Variants in ATP13A1 observed in about 807,000 individuals in gnomAD.
ATP13A1 encodes the protein endoplasmic reticulum transmembrane helix translocase.
In ATP13A1, 55 loss-of-function variants were observed where a neutral mutation model predicts 134.8. That is an observed-to-expected ratio of 0.41 (90% CI 0.33 to 0.51). ATP13A1 has a LOEUF of 0.51. Ranked by LOEUF, ATP13A1 falls within the 20% of genes least tolerant of loss-of-function variation. The pLI, the probability that ATP13A1 is intolerant of heterozygous loss-of-function variation, is 0.29. For synonymous variants in ATP13A1, 775 were observed against 725.1 expected (o/e 1.07, Z -1.10); for missense variants, 1,389 against 1,652.8 (o/e 0.84, Z 2.77).
chr19:19,655,643 C>T lies in ATP13A1; in HGVS notation c.1281G>A (p.Leu427=), dbSNP rs1222713077. The T allele has an allele frequency of 1.2e-6, 2 of 1,613,086 alleles. No homozygotes were observed. The highest frequency in any genetic ancestry group is 2.2e-5 in the South Asian group (2 of 90,846). Residue 427 remains leucine, a synonymous_variant, in exon 10 of 26, where the codon CTG becomes CTA. Coordinates refer to ENST00000357324, the MANE Select transcript of ATP13A1 (RefSeq NM_020410.3). The surrounding 1 kb of genome is among the most constrained non-coding windows in gnomAD (Gnocchi z 5.7). ...TGFNTSQGKL[L]RTILFGVKRV... ...TCTTGACCCCGAAGAGGATGGTGCGCAGCAGCTTGCCCTGGAGGAATGGAG... is the reference window on the plus strand; with the variant it reads ...TCTTGACCCCGAAGAGGATGGTGCGTAGCAGCTTGCCCTGGAGGAATGGAG...
At position 19,647,137 on chromosome 19, in the gene ATP13A1, G is replaced by T; in HGVS notation, c.3097C>A (p.Arg1033Ser). 2 of 1,612,068 alleles carry T rather than the reference G, an allele frequency of 1.2e-6. No homozygotes were observed. Among genetic ancestry groups the T allele is most frequent in the Non-Finnish European group, 1.7e-6 (2 of 1,178,898 alleles). Reference sequence around the variant, plus strand: ...GCACCTCTGGGGCCCACCTTGGAACGGGAGATGAAGAGGAAGCAGCCGGCC... The same window carrying T: ...GCACCTCTGGGGCCCACCTTGGAACTGGAGATGAAGAGGAAGCAGCCGGCC... ...LLAGCFLFIS[R>S]SKPLKTLSRE... Residue 1033 changes from arginine to serine, a missense_variant, in exon 22 of 26, where the codon CGT (arginine) becomes AGT (serine). Transcript: ENST00000357324. The surrounding 1 kb of genome is among the most constrained non-coding windows in gnomAD (Gnocchi z 4.8).
rs767748918 is a variant in ATP13A1, at chr19:19,652,628, G to A, written c.2193C>T (p.Ala731=). The part of the protein sequence containing the change: ...VSCPLKADSK[A]VIREIQNASH... The stretch of plus-strand genomic sequence containing the variant: ...ACGCATTCTGGATCTCCCGGATCAC[G>A]GCCTTGGAGTCAGCCTTGAGCGGGC... The change falls in exon 16 of 26, where the codon GCC becomes GCT. Residue 731 remains alanine, a synonymous_variant. Transcript: ENST00000357324. 2.0e-5 allele frequency: 32 copies of A among 1,608,520 alleles called. 1 individual carries two copies. In the East Asian group the frequency reaches 4.5e-4, roughly 22 times the overall value.
In ATP13A1 at chr19:19,653,961, C is replaced by G; in HGVS notation, c.1989+8G>C. 6.3e-7 allele frequency: 1 copy of G among 1,589,470 alleles called. No homozygotes were observed. Among genetic ancestry groups the G allele is most frequent in the Non-Finnish European group, 8.6e-7 (1 of 1,168,598 alleles). On this transcript the variant is annotated splice_region_variant and intron_variant, in intron 14 of 25. Transcript: ENST00000357324. This position sits in a 1 kb window ranked among gnomAD's most constrained non-coding sequence, Gnocchi z 4.2. Reference sequence around the variant, plus strand: ...CCCACCCCTTGCCCCAGGCTGGGGCCAGCTCACCATGGAGTGCAGAGTTTC... The same window carrying G: ...CCCACCCCTTGCCCCAGGCTGGGGCGAGCTCACCATGGAGTGCAGAGTTTC...
chr19:19,650,110 C>T, intron 17 of ATP13A1, 170 bp from the exon 18 acceptor site: 2 of 632,158 alleles, frequency 3.2e-6, no homozygotes, highest in South Asian at 3.9e-5. Context: ...AAAGAATGTC[C>T]CTCAGGTGCA....
In ATP13A1 at chr19:19,646,601, T is replaced by C. The variant is rs2061987748; in HGVS notation, c.3106-254A>G. The C allele has an allele frequency of 7.3e-6, 4 of 547,516 alleles. No individual in the cohort carries two copies. The South Asian group carries it at 8.5e-5, about 12-fold the overall frequency. The allele number at this position is 547,516 out of a possible 1,614,324, so 33.9% of individuals were successfully genotyped here. On this transcript the variant is annotated intron_variant, in intron 22 of 25. Coordinates refer to ENST00000357324, the MANE Select transcript of ATP13A1 (RefSeq NM_020410.3). ...GGCAGCCACAGGGGCCTGAGAATCATGAAGCAGATCCTGCCCTCCCTGGAG... is the reference window on the plus strand; with the variant it reads ...GGCAGCCACAGGGGCCTGAGAATCACGAAGCAGATCCTGCCCTCCCTGGAG...
rs1055416631 is a variant in ATP13A1, at chr19:19,656,850, T to G, written c.973A>C (p.Ile325Leu). Reference sequence around the variant, plus strand: ...ACTGAGCGGAACCCGGCCTCACCGATGGAGACGATGTCCCCTGGTACGATC... The same window carrying G: ...ACTGAGCGGAACCCGGCCTCACCGAGGGAGACGATGTCCCCTGGTACGATC... ...DEIVPGDIVS[I>L]GRSPQENLVP... Residue 325 changes from isoleucine to leucine, a missense_variant, in exon 6 of 26, where the codon ATC becomes CTC. Transcript: ENST00000357324. This position sits in a 1 kb window ranked among gnomAD's most constrained non-coding sequence, Gnocchi z 4.6. 1.2e-6 allele frequency: 2 copies of G among 1,612,352 alleles called. No homozygotes were observed. Among genetic ancestry groups the G allele is most frequent in the Admixed American group, 1.7e-5 (1 of 59,764 alleles).
chr19:19,655,741 C>T lies in ATP13A1; in HGVS notation c.1270-87G>A. Reference sequence around the variant, plus strand: ...AAGCGTGGGCCTGGTCTTGGGGTGGCCTCTGCACCCTGGCCCAGGTCCAGG... The same window carrying T: ...AAGCGTGGGCCTGGTCTTGGGGTGGTCTCTGCACCCTGGCCCAGGTCCAGG... On this transcript the variant is annotated intron_variant, in intron 9 of 25. Coordinates refer to ENST00000357324, the MANE Select transcript of ATP13A1 (RefSeq NM_020410.3). This position sits in a 1 kb window ranked among gnomAD's most constrained non-coding sequence, Gnocchi z 5.7. 6.5e-7 allele frequency: 1 copy of T among 1,544,708 alleles called. No homozygotes were observed. Among genetic ancestry groups the T allele is most frequent in the Non-Finnish European group, 8.7e-7 (1 of 1,144,068 alleles).
intron 3 of ATP13A1, among the ~76,000 whole-genome samples, chr19:19,657,729 C>T (rs372642722): frequency 4.6e-5 from 7 of 152,254 alleles, no homozygotes; most frequent in South Asian, 2.1e-4. Context: ...GTCATCTGGT[C>T]GAGTGACACA....
At chr19:19,660,875 T>C (rs1226973395) in intron 1 of ATP13A1, among the ~76,000 whole-genome samples, 2 of 150,868 alleles carry the variant, frequency 1.3e-5, no homozygotes, top group Non-Finnish European at 2.9e-5. Context: ...GGTCAGGAGT[T>C]TGAGACCAGC....
Position 19,653,609 on chromosome 19 carries a change from A to G in ATP13A1, c.2100+175T>C. On this transcript the variant is annotated intron_variant, in intron 15 of 25. Coordinates refer to ENST00000357324, the MANE Select transcript of ATP13A1 (RefSeq NM_020410.3). This position sits in a 1 kb window ranked among gnomAD's most constrained non-coding sequence, Gnocchi z 4.2. ...GTGAGCCAGGACTGGGTGGGTCCCC[A>G]CAGCAGTGGACAGACTGAGTGCCAT... 1.5e-6 allele frequency: 1 copy of G among 650,662 alleles called. No individual in the cohort carries two copies. Among genetic ancestry groups the G allele is most frequent in the Admixed American group, 2.9e-5 (1 of 34,140 alleles). 40.3% of individuals were successfully genotyped at this position (650,662 alleles called of 1,614,324 possible). A position where few individuals can be genotyped will look rare whatever the true frequency, so the allele number is the denominator to read the frequency against.
Position 19,651,752 on chromosome 19 carries a change from C to A in ATP13A1, c.2272G>T (p.Ala758Ser), listed in dbSNP as rs2062026005. 1 of 1,613,176 alleles carries A rather than the reference C, an allele frequency of 6.2e-7. No homozygotes were observed. Reference sequence around the variant, plus strand: ...TTTTCAATGAAGTGCAGCTCCTGGGCCACGTGGCATGCAGTGAGCGGGTTG... The same window carrying A: ...TTTTCAATGAAGTGCAGCTCCTGGGACACGTGGCATGCAGTGAGCGGGTTG... ...GDNPLTACHV[A>S]QELHFIEKAH... The change falls in exon 17 of 26, where the codon GCC (alanine) becomes TCC (serine). Residue 758 changes from alanine (A) to serine (S), a missense_variant. This residue lies in a region of ATP13A1 where 747 missense variants were observed against 956.1 expected (regional missense o/e 0.78). Transcript: ENST00000357324.
At chr19:19,654,283 G>C in intron 13 of ATP13A1, 139 bp from the exon 14 acceptor site, 1 of 1,062,074 alleles carries the variant, frequency 9.4e-7, no homozygotes, top group Non-Finnish European at 1.3e-6. Flanking sequence ...AGCAGGTGTT[G>C]GTCCAGAGCT....
At position 19,655,521 on chromosome 19, in the gene ATP13A1, C is replaced by A. The variant is rs753228080; in HGVS notation, c.1396+7G>T. 3.7e-6 allele frequency: 6 copies of A among 1,613,828 alleles called. No individual in the cohort carries two copies. Among genetic ancestry groups the A allele is most frequent in the Non-Finnish European group, 4.2e-6 (5 of 1,179,872 alleles). The stretch of plus-strand genomic sequence containing the variant: ...GCGCAGGGGACCACAGAGGCCGTGG[C>A]GCTTACCTTCAATCCATACATAGGC... On this transcript the variant is annotated splice_region_variant and intron_variant, in intron 10 of 25. Transcript: ENST00000357324. This position sits in a 1 kb window ranked among gnomAD's most constrained non-coding sequence, Gnocchi z 5.7.
At position 19,655,796 on chromosome 19, in the gene ATP13A1, A is replaced by G; in HGVS notation, c.1269+82T>C. On this transcript the variant is annotated intron_variant, in intron 9 of 25. Coordinates refer to ENST00000357324, the MANE Select transcript of ATP13A1 (RefSeq NM_020410.3). This position sits in a 1 kb window ranked among gnomAD's most constrained non-coding sequence, Gnocchi z 5.7. Reference sequence around the variant, plus strand: ...TGCTGCCAGAGTCAGCCCGTGGGGCAGATGTTCTGGGGTCGGAAAGGGCTG... The same window carrying G: ...TGCTGCCAGAGTCAGCCCGTGGGGCGGATGTTCTGGGGTCGGAAAGGGCTG... 1 of 1,536,120 alleles carries G rather than the reference A, an allele frequency of 6.5e-7. No individual in the cohort carries two copies. The highest frequency in any genetic ancestry group is 2.0e-5 in the Admixed American group (1 of 51,196).
rs747661234 is a variant in ATP13A1, at chr19:19,649,678, A to T, written c.2536-15T>A. On this transcript the variant is annotated splice_polypyrimidine_tract_variant and intron_variant, in intron 18 of 25. Coordinates refer to ENST00000357324, the MANE Select transcript of ATP13A1 (RefSeq NM_020410.3). ...ATGACAAACTCCTGTATGGGCGGAGACAGGCTGAGCAGGGGCTGCGTGCCT... is the reference window on the plus strand; with the variant it reads ...ATGACAAACTCCTGTATGGGCGGAGTCAGGCTGAGCAGGGGCTGCGTGCCT... 1 of 1,613,676 alleles carries T rather than the reference A, an allele frequency of 6.2e-7. No individual in the cohort carries two copies. Among genetic ancestry groups the T allele is most frequent in the African/African-American group, 1.3e-5 (1 of 74,884 alleles).
chr19:19,646,692 G>C (rs966285104), intron 22 of ATP13A1: 54 of 413,144 alleles, frequency 1.3e-4, no homozygotes, highest in African/African-American at 1.0e-3. Flanking sequence ...GGGACTCCCT[G>C]CGTCAGCCCA....
chr19:19,656,912 T>A lies in ATP13A1; in HGVS notation c.911A>T (p.Tyr304Phe). The A allele has an allele frequency of 6.2e-7, 1 of 1,611,146 alleles. No individual in the cohort carries two copies. The highest frequency in any genetic ancestry group is 8.5e-7 in the Non-Finnish European group (1 of 1,178,940). ...AATGGGCCTCCACTTGCGGCTTCGG[T>A]AGACCTGGGCGGGGCATGGGTGTCA... The part of the protein sequence containing the change: ...MGNKPHMIQV[Y>F]RSRKWRPIAS... The change falls in exon 6 of 26, where the codon TAC (tyrosine) becomes TTC (phenylalanine). Residue 304 changes from tyrosine (Y) to phenylalanine (F), a missense_variant. This residue lies in a region of ATP13A1 where 747 missense variants were observed against 956.1 expected (regional missense o/e 0.78). Coordinates refer to ENST00000357324, the MANE Select transcript of ATP13A1 (RefSeq NM_020410.3). The surrounding 1 kb of genome is among the most constrained non-coding windows in gnomAD (Gnocchi z 4.6).
chr19:19,650,370 C>T (rs2062016716), intron 17 of ATP13A1: 1 of 186,102 alleles, frequency 5.4e-6, no homozygotes, highest in South Asian at 1.2e-4. Context: ...GGCCCCCTCC[C>T]AACTCTGACA....
chr19:19,656,578 G>T lies in ATP13A1; in HGVS notation c.1083+82C>A. The T allele has an allele frequency of 1.4e-6, 2 of 1,421,234 alleles. No individual in the cohort carries two copies. The highest frequency in any genetic ancestry group is 1.9e-6 in the Non-Finnish European group (2 of 1,036,316). 88.0% of individuals were successfully genotyped at this position (1,421,234 alleles called of 1,614,324 possible). The stretch of plus-strand genomic sequence containing the variant: ...GCCTCCTCCGCCTGTGCCTGAGGGG[G>T]ATCCCCGCCACCCCCTGGGCCTCCA... On this transcript the variant is annotated intron_variant, in intron 7 of 25. Transcript: ENST00000357324. This position sits in a 1 kb window ranked among gnomAD's most constrained non-coding sequence, Gnocchi z 4.6.
Sources: gnomAD v4.1 joint callset for allele counts (sites outside exome capture counted in the v4.1 genomes callset) on GRCh38, gnomAD v4.1.1 for gene constraint, gnomAD v4.1.1 regional missense constraint, Gnocchi (gnomAD v3.1) non-coding constraint, MANE v1.5 for transcripts, NCBI Gene and HGNC (gene_info 2026-07-23, HGNC 2026-07-21) for gene names.